The following RNGTT variants were observed in gnomAD, a reference collection of about 807,000 sequenced individuals.
RNGTT encodes the protein RNA guanylyltransferase and 5'-phosphatase.
RNGTT carries 33 observed loss-of-function variants against 79.3 expected under a neutral mutation model. The ratio of observed to expected loss-of-function variants is 0.42; its 90% CI spans 0.32 to 0.56. RNGTT has a LOEUF of 0.56. Ranked by LOEUF, RNGTT falls within the 20% of genes least tolerant of loss-of-function variation. The pLI is 0.17. For synonymous variants in RNGTT, 222 were observed against 235.9 expected, an observed-to-expected ratio of 0.94 and a Z score of 0.54; for missense variants, 497 against 739.1, an observed-to-expected ratio of 0.67 and a Z score of 3.80.
intron 13 of RNGTT, among the ~76,000 whole-genome samples, chr6:88,720,801 T>G (rs1776683490): frequency 6.6e-6 from 1 of 152,158 alleles, no homozygotes; most frequent in African/African-American, 2.4e-5. Flanking sequence ...ATGATGAGTA[T>G]TTAACATTCA....
intron 8 of RNGTT, among the ~76,000 whole-genome samples, 187 bp downstream of exon 8, chr6:88,890,308 T>C (rs1384213261): frequency 6.6e-6 from 1 of 152,192 alleles, no homozygotes; most frequent in Non-Finnish European, 1.5e-5. Context: ...TTTAGCAGAA[T>C]GAGAGATAAC....
At chr6:88,861,888 T>C (rs1035701126) in intron 8 of RNGTT, among the ~76,000 whole-genome samples, 1 of 152,158 alleles carries the variant, frequency 6.6e-6, no homozygotes, top group East Asian at 1.9e-4. Flanking sequence ...GTTGAAACAG[T>C]ACATTTTGTC....
intron 6 of RNGTT, among the ~76,000 whole-genome samples, chr6:88,898,686 T>TTA (rs143238215): frequency 0.012 from 1,799 of 150,380 alleles, 20 homozygotes; most frequent in African/African-American, 0.032. Context: ...TATATATATA[T>TTA]TATATATATG....
At chr6:88,633,205 T>C (rs1443922040) in intron 14 of RNGTT, among the ~76,000 whole-genome samples, 1 of 152,138 alleles carries the variant, frequency 6.6e-6, no homozygotes, top group Non-Finnish European at 1.5e-5. Context: ...AAACAAGTCA[T>C]TTTGTTCATT....
In RNGTT at chr6:88,630,624, GAGCTCTGAGTTAAAC is replaced by G. The variant is rs535862656; in HGVS notation, c.1507-16244_1507-16230del. The stretch of plus-strand genomic sequence containing the variant: ...TAACCTTAAATTAATCCTGATATAT[GAGCTCTGAGTTAAAC>G]AGCTCTGAGTTAAACAGGCCAAGCA... On this transcript the variant is annotated intron_variant, in intron 14 of 15. Transcript: ENST00000369485. Among the ~76,000 whole-genome samples the G allele has an allele frequency of 2.6e-3, 403 of 152,136 alleles. 3 individuals carry two copies. The highest frequency in any genetic ancestry group is 9.2e-3 in the African/African-American group (381 of 41,506).
At chr6:88,914,310 A>G (rs1783927871) in intron 4 of RNGTT, among the ~76,000 whole-genome samples, 1 of 152,196 alleles carries the variant, frequency 6.6e-6, no homozygotes. Context: ...AACCAAAAAA[A>G]GAACCCAAAT....
At chr6:88,801,800 A>T (rs1263370520) in intron 11 of RNGTT, among the ~76,000 whole-genome samples, 168 bp from the exon 12 acceptor site, 2 of 145,088 alleles carry the variant, frequency 1.4e-5, no homozygotes, top group African/African-American at 5.2e-5. Context: ...AATACATCGT[A>T]AGATTTGAAT....
At chr6:88,940,525 ACAGT>A (rs1784812558) in intron 2 of RNGTT, among the ~76,000 whole-genome samples, 4 of 152,336 alleles carry the variant, frequency 2.6e-5, no homozygotes, top group South Asian at 4.1e-4. Flanking sequence ...AACTGTAAAC[ACAGT>A]CAGTTTCCTT....
At chr6:88,824,872 A>G (rs1023395457) in intron 11 of RNGTT, among the ~76,000 whole-genome samples, 3 of 151,148 alleles carry the variant, frequency 2.0e-5, no homozygotes, top group African/African-American at 4.9e-5. Context: ...CCTCCAGAGT[A>G]GCTGGGATTA....
At chr6:88,645,937 G>T (rs1257569975) in intron 14 of RNGTT, among the ~76,000 whole-genome samples, 3 of 152,174 alleles carry the variant, frequency 2.0e-5, no homozygotes, top group Non-Finnish European at 4.4e-5. Context: ...CAGGACATAG[G>T]CATGGGCAAG....
chr6:88,786,176 A>G (rs1466822683), intron 12 of RNGTT, among the ~76,000 whole-genome samples: 1 of 152,174 alleles, frequency 6.6e-6, no homozygotes, highest in Non-Finnish European at 1.5e-5. Flanking sequence ...TGATAGATTA[A>G]TGGCATACAA....
rs1338113967 is a variant in RNGTT at position 88,890,526 on chromosome 6, A to G, written c.865T>C (p.Tyr289His). 1 of 1,613,502 alleles carries G rather than the reference A, an allele frequency of 6.2e-7. No homozygotes were observed. Among genetic ancestry groups the G allele is most frequent in the Admixed American group, 1.7e-5 (1 of 59,978 alleles). ...QNIKLLDLKP[Y>H]KVSWKADGTR... ...CCATCTGCTTTCCAGCTTACTTTGT[A>G]TGGCTTCAGGTCTAAAAGTTTAATA... Residue 289 changes from tyrosine to histidine, a missense_variant, in exon 8 of 16, where the codon TAC (tyrosine) becomes CAC (histidine). Coordinates refer to ENST00000369485, the MANE Select transcript of RNGTT (RefSeq NM_003800.5).
At position 88,940,223 on chromosome 6, in the gene RNGTT, C is replaced by T. The variant is rs375356798; in HGVS notation, c.174+848G>A. ...CTCCCGAGTATGCTGGAATTACAAG[C>T]ACACACCACAATGCCTGGCTAATTT... On this transcript the variant is annotated intron_variant, in intron 2 of 15. Transcript: ENST00000369485. Among the ~76,000 whole-genome samples, 13 of 152,142 alleles carry T rather than the reference C, an allele frequency of 8.5e-5. No individual in the cohort carries two copies. The East Asian group carries it at 2.5e-3, about 29-fold the overall frequency.
At chr6:88,912,131 G>C (rs1032091504) in intron 4 of RNGTT, among the ~76,000 whole-genome samples, 1 of 151,778 alleles carries the variant, frequency 6.6e-6, no homozygotes, top group Non-Finnish European at 1.5e-5. Context: ...GCCTGGGCAT[G>C]GTGGCTCATA....
At chr6:88,883,671 A>C (rs1782764944) in intron 8 of RNGTT, among the ~76,000 whole-genome samples, 1 of 152,218 alleles carries the variant, frequency 6.6e-6, no homozygotes, top group African/African-American at 2.4e-5. Flanking sequence ...CCAGATTAAA[A>C]AAATCAAACC....
intron 11 of RNGTT, among the ~76,000 whole-genome samples, chr6:88,802,224 T>C (rs10944409): frequency 0.13 from 19,579 of 152,174 alleles, 1,429 homozygotes; most frequent in Middle Eastern, 0.23. Context: ...CATAAATACA[T>C]TGTGTTTTCC....
At chr6:88,849,326 C>G (rs1446468243) in intron 10 of RNGTT, among the ~76,000 whole-genome samples, 1 of 151,954 alleles carries the variant, frequency 6.6e-6, no homozygotes, top group East Asian at 1.9e-4. Flanking sequence ...CTTTTAATAA[C>G]CTGGATTAAT....
At chr6:88,929,097 T>C in intron 3 of RNGTT, 24 bp from the exon 4 acceptor site, 1 of 1,595,440 alleles carries the variant, frequency 6.3e-7, no homozygotes. Context: ...AAAAGTTTTT[T>C]TGAAAAAAGA....
chr6:88,771,340 T>C (rs879628121), intron 12 of RNGTT, among the ~76,000 whole-genome samples: 18,566 of 130,558 alleles, frequency 0.14, 1,847 homozygotes, highest in Middle Eastern at 0.25. Flanking sequence ...TATATATATA[T>C]ATATATATAT....
Sources: gnomAD v4.1 joint callset for allele counts (sites outside exome capture counted in the v4.1 genomes callset) on GRCh38, gnomAD v4.1.1 for gene constraint, MANE v1.5 for transcripts, NCBI Gene and HGNC (gene_info 2026-07-23, HGNC 2026-07-21) for gene names.